LIN28B: variants seen among roughly 807,000 people sequenced by gnomAD.
The protein encoded by LIN28B is lin-28 RNA binding posttranscriptional regulator B.
LIN28B carries 5 observed loss-of-function variants against 21.9 expected under a neutral mutation model. The ratio of observed to expected loss-of-function variants is 0.23; its 90% CI spans 0.12 to 0.48. The LOEUF is 0.48. Among genes scored for constraint, LIN28B ranks in the 20% least tolerant of loss-of-function variants. The pLI is 0.98. For synonymous variants in LIN28B, 109 were observed against 111.3 expected (o/e 0.98, Z 0.13); for missense variants, 245 against 310.5 (o/e 0.79, Z 1.58).
At chr6:105,072,807 A>G (rs1772356921) in intron 3 of LIN28B, among the ~76,000 whole-genome samples, 1 of 152,242 alleles carries the variant, frequency 6.6e-6, no homozygotes, top group South Asian at 2.1e-4. Context: ...ATAGGTTGAT[A>G]GAGGTCAGAA....
chr6:105,024,781 A>G (rs992266694), intron 2 of LIN28B, among the ~76,000 whole-genome samples: 4 of 152,160 alleles, frequency 2.6e-5, no homozygotes, highest in African/African-American at 9.7e-5. Flanking sequence ...TATTTATTCT[A>G]TGTAATAATT....
At chr6:105,065,238 A>G (rs529952004) in intron 3 of LIN28B, among the ~76,000 whole-genome samples, 16 of 152,338 alleles carry the variant, frequency 1.1e-4, no homozygotes, top group South Asian at 2.1e-4. Flanking sequence ...TAAAAAGATT[A>G]TGACATGAAG....
At chr6:104,937,642 C>T (rs897790963) in intron 2 of LIN28B, among the ~76,000 whole-genome samples, 73 of 152,104 alleles carry the variant, frequency 4.8e-4, no homozygotes, top group Non-Finnish European at 1.0e-4. Flanking sequence ...ACACTCAATA[C>T]TTGTAATTCG....
chr6:105,013,078 C>G (rs1770956815), intron 2 of LIN28B, among the ~76,000 whole-genome samples: 1 of 152,072 alleles, frequency 6.6e-6, no homozygotes, highest in African/African-American at 2.4e-5. Flanking sequence ...TGCAATGGCG[C>G]AATCTCAGCT....
intron 3 of LIN28B, among the ~76,000 whole-genome samples, chr6:105,040,252 T>A (rs926110191): frequency 2.6e-5 from 4 of 152,160 alleles, no homozygotes; most frequent in African/African-American, 9.6e-5. Flanking sequence ...ATTTGCTTAT[T>A]CAGTTTCATC....
chr6:104,984,696 A>C (rs568280345), intron 2 of LIN28B, among the ~76,000 whole-genome samples: 2 of 152,260 alleles, frequency 1.3e-5, no homozygotes, highest in Non-Finnish European at 2.9e-5. Flanking sequence ...TTGGCCTCCC[A>C]AAGTAGTATA....
chr6:105,011,467 G>A (rs1770920863), intron 2 of LIN28B, among the ~76,000 whole-genome samples: 2 of 152,208 alleles, frequency 1.3e-5, no homozygotes, highest in Non-Finnish European at 2.9e-5. Context: ...TAGGAGTATA[G>A]GCGTGAGCCA....
rs531459291 is a variant in LIN28B at position 105,032,038 on chromosome 6, A to G, written c.383+5556A>G. 6.1e-4 allele frequency among the ~76,000 whole-genome samples: 93 copies of G among 152,282 alleles called. No individual in the cohort carries two copies. The South Asian group carries it at 0.018, about 30-fold the overall frequency. Reference sequence around the variant, plus strand: ...TAAGTGGAATCATACAGTGTGTAACATTTTGAAATTGCATTTTTTCACTCA... The same window carrying G: ...TAAGTGGAATCATACAGTGTGTAACGTTTTGAAATTGCATTTTTTCACTCA... On this transcript the variant is annotated intron_variant, in intron 3 of 3. Transcript: ENST00000345080.
chr6:105,071,496 C>A (rs1443723256), intron 3 of LIN28B, among the ~76,000 whole-genome samples: 3 of 152,004 alleles, frequency 2.0e-5, no homozygotes, highest in African/African-American at 7.3e-5. Flanking sequence ...ATTTTTCTAA[C>A]TTTTTACCAG....
At chr6:105,003,394 A>G (rs1004391606) in intron 2 of LIN28B, among the ~76,000 whole-genome samples, 1 of 152,226 alleles carries the variant, frequency 6.6e-6, no homozygotes, top group Non-Finnish European at 1.5e-5. Flanking sequence ...GGCTAGGTAG[A>G]AAGTTTGGGG....
chr6:105,078,372 T>A, intron 3 of LIN28B, 42 bp from the exon 4 acceptor site: 1 of 1,548,322 alleles, frequency 6.5e-7, no homozygotes, highest in Non-Finnish European at 8.7e-7. Flanking sequence ...TTTGGATACA[T>A]GCTGCCTACT....
chr6:105,067,580 T>A (rs1213368709), intron 3 of LIN28B, among the ~76,000 whole-genome samples: 1 of 152,198 alleles, frequency 6.6e-6, no homozygotes, highest in Non-Finnish European at 1.5e-5. Flanking sequence ...CTCTTTTTTT[T>A]AAACTTTTCC....
rs1772508302 is a variant in LIN28B, at chr6:105,079,889, T to G, written c.*1106T>G. The G allele has an allele frequency of 6.6e-6, 1 of 152,106 alleles. No individual in the cohort carries two copies. The highest frequency in any genetic ancestry group is 1.5e-5 in the Non-Finnish European group (1 of 68,020). The allele number at this position is 152,106 out of a possible 1,614,324, so 9.4% of individuals were successfully genotyped here. ...TAAATACTGGGGTTGAGAATTAAAA[T>G]TAAGTGGATGTTCACAGTTGCCCAA... On this transcript the variant is annotated 3_prime_UTR_variant, in exon 4 of 4. Coordinates refer to ENST00000345080, the MANE Select transcript of LIN28B (RefSeq NM_001004317.4).
At position 105,080,443 on chromosome 6, in the gene LIN28B, G is replaced by A. The variant is rs981241758; in HGVS notation, c.*1660G>A. 1 of 152,598 alleles carries A rather than the reference G, an allele frequency of 6.6e-6. No homozygotes were observed. The highest frequency in any genetic ancestry group is 2.4e-5 in the African/African-American group (1 of 41,438). 9.5% of individuals were successfully genotyped at this position (152,598 alleles called of 1,614,324 possible). A position where few individuals can be genotyped will look rare whatever the true frequency, so the allele number is the denominator to read the frequency against. ...TCCTCTCCCGCCTGTCCTGTCATGG[G>A]AGACGTGTATAGTTGCTGCTGTTTC... is the stretch of plus-strand genomic sequence containing the variant. On this transcript the variant is annotated 3_prime_UTR_variant, in exon 4 of 4. Transcript: ENST00000345080.
upstream of LIN28B, among the ~76,000 whole-genome samples, chr6:104,952,315 T>C (rs942849560): frequency 4.6e-5 from 7 of 152,174 alleles, no homozygotes; most frequent in African/African-American, 1.7e-4. Flanking sequence ...AGCTAAAACA[T>C]GAAGCTTCCT....
At chr6:104,961,783 T>C (rs1769744689) in intron 2 of LIN28B, among the ~76,000 whole-genome samples, 1 of 152,216 alleles carries the variant, frequency 6.6e-6, no homozygotes, top group Admixed American at 6.5e-5. Context: ...CTCTTACCAG[T>C]TTCTTATGTT....
upstream of LIN28B, among the ~76,000 whole-genome samples, chr6:104,954,641 A>G (rs2114559234): frequency 6.6e-6 from 1 of 152,324 alleles, no homozygotes; most frequent in South Asian, 2.1e-4. Flanking sequence ...AGCCTTCTAC[A>G]CAACTTGAAA....
chr6:105,012,287 G>C (rs1770939897), intron 2 of LIN28B, among the ~76,000 whole-genome samples: 1 of 151,964 alleles, frequency 6.6e-6, no homozygotes, highest in African/African-American at 2.4e-5. Context: ...GACCAAAATG[G>C]TGAAACCCTG....
At chr6:105,060,286 T>C (rs576559291) in intron 3 of LIN28B, among the ~76,000 whole-genome samples, 2 of 150,062 alleles carry the variant, frequency 1.3e-5, no homozygotes, top group South Asian at 2.1e-4. Context: ...TTTGTTGAGA[T>C]AGGGTCTCGC....
Sources: gnomAD v4.1 joint callset for allele counts (sites outside exome capture counted in the v4.1 genomes callset) on GRCh38, gnomAD v4.1.1 for gene constraint, MANE v1.5 for transcripts, NCBI Gene and HGNC (gene_info 2026-07-23, HGNC 2026-07-21) for gene names.